SRPX2: variants seen among roughly 807,000 people sequenced by gnomAD.
The protein encoded by SRPX2 is sushi repeat-containing protein SRPX2.
SRPX2 carries 26 observed loss-of-function variants against 45.3 expected under a neutral mutation model. The ratio of observed to expected loss-of-function variants is 0.57; its 90% CI spans 0.42 to 0.80. The LOEUF is 0.80. Ranked by LOEUF, SRPX2 falls within the 30% of genes least tolerant of loss-of-function variation. The pLI, the probability that SRPX2 is intolerant of heterozygous loss-of-function variation, is 0.00. For missense variants in SRPX2, 355 were observed against 399.8 expected, an observed-to-expected ratio of 0.89 and a Z score of 0.95; for synonymous variants, 125 against 143.7, an observed-to-expected ratio of 0.87 and a Z score of 0.93.
Position 100,662,195 on chromosome X carries a change from A to T in SRPX2, c.183A>T (p.Thr61=). 3 of 1,211,348 alleles carry T rather than the reference A, an allele frequency of 2.5e-6. No homozygotes were observed. The highest frequency in any genetic ancestry group is 3.4e-6 in the Non-Finnish European group (3 of 895,429). Reference sequence around the variant, plus strand: ...CTACAGTCCCCCGATGGTGTTATACATTAAATATCCAGGATGGAGAAGCCA... The same window carrying T: ...CTACAGTCCCCCGATGGTGTTATACTTTAAATATCCAGGATGGAGAAGCCA... ...LDYRVPRWCY[T]LNIQDGEATC... The change falls in exon 4 of 11, where the codon ACA becomes ACT. Residue 61 remains threonine (T), a synonymous_variant. Coordinates refer to ENST00000373004, the MANE Select transcript of SRPX2 (RefSeq NM_014467.3).
rs952200357 is a variant in SRPX2 at position 100,675,754 on chromosome X, T to C, written c.*4767T>C. ...AACCTTATAAAGACATAAGAAAAAA[T>C]GGACTCTGAAAATAAACTAGATTAT... On this transcript the variant is annotated 3_prime_UTR_variant, in exon 11 of 11. Coordinates refer to ENST00000373004, the MANE Select transcript of SRPX2 (RefSeq NM_014467.3). 1.9e-4 allele frequency: 48 copies of C among 253,267 alleles called. No homozygotes were observed. The highest frequency in any genetic ancestry group is 1.3e-3 in the African/African-American group (47 of 35,449). The allele number at this position is 253,267 out of a possible 1,213,427, so 20.9% of individuals were successfully genotyped here.
rs1193832159 is a variant in SRPX2, at chrX:100,670,930, C to T, written c.1341C>T (p.Tyr447=). Residue 447 remains tyrosine, a synonymous_variant, in exon 11 of 11, where the codon TAC becomes TAT. Transcript: ENST00000373004. ...PEEIFTFIDD[Y]LLSNQELTQR... ...AAATCTTCACATTCATTGATGACTA[C>T]CTACTGAGCAATCAGGAGTTGACCC... is the stretch of plus-strand genomic sequence containing the variant. 1.7e-6 allele frequency: 2 copies of T among 1,211,745 alleles called. No homozygotes were observed.
Position 100,670,866 on chromosome X carries a change from T to G in SRPX2, c.1277T>G (p.Ile426Ser). 1 of 1,211,407 alleles carries G rather than the reference T, an allele frequency of 8.3e-7. No homozygotes were observed. The highest frequency in any genetic ancestry group is 1.1e-6 in the Non-Finnish European group (1 of 895,453). The change falls in exon 11 of 11, where the codon ATT (isoleucine) becomes AGT (serine). Residue 426 changes from isoleucine to serine, a missense_variant. Transcript: ENST00000373004. ...FNMVLIDKQG[I>S]DRDRYMEPVT... The stretch of plus-strand genomic sequence containing the variant: ...ATGGTGTTGATTGACAAGCAGGGTA[T>G]TGACCGAGACCGCTACATGGAACCT...
chrX:100,645,965 GTCTCAGTACT>G (rs1375745474), intron 1 of SRPX2: 4 of 227,280 alleles, frequency 1.8e-5, no homozygotes, highest in Non-Finnish European at 3.2e-5. Context: ...CCTTTTCCTG[GTCTCAGTACT>G]TCAATGTCCC....
In SRPX2 at chrX:100,665,803, T is replaced by C. The variant is rs765763006; in HGVS notation, c.781+146T>C. The C allele has an allele frequency of 1.2e-5, 11 of 910,605 alleles. No homozygotes were observed. In the African/African-American group the frequency reaches 2.1e-4, roughly 18 times the overall value. The allele number at this position is 910,605 out of a possible 1,213,427, so 75.0% of individuals were successfully genotyped here. A position where few individuals can be genotyped will look rare whatever the true frequency, so the allele number is the denominator to read the frequency against. On this transcript the variant is annotated intron_variant, in intron 7 of 10. Coordinates refer to ENST00000373004, the MANE Select transcript of SRPX2 (RefSeq NM_014467.3). ...AAACAAGTTCACCAAACAGGCTTAT[T>C]TAGGAAGCCAGCGTTACATGTGCAT...
chrX:100,653,701 T>C (rs776423687), intron 3 of SRPX2, among the ~76,000 whole-genome samples: 4 of 112,297 alleles, frequency 3.6e-5, no homozygotes, highest in African/African-American at 1.3e-4. Flanking sequence ...TATTCTTTCA[T>C]CGAATATTTA....
Position 100,675,732 on chromosome X carries a change from C to A in SRPX2, c.*4745C>A. On this transcript the variant is annotated 3_prime_UTR_variant, in exon 11 of 11. Coordinates refer to ENST00000373004, the MANE Select transcript of SRPX2 (RefSeq NM_014467.3). Reference sequence around the variant, plus strand: ...AAAGCTGTTTTTAAGTTAAGTGAACCTTATAAAGACATAAGAAAAAATGGA... The same window carrying A: ...AAAGCTGTTTTTAAGTTAAGTGAACATTATAAAGACATAAGAAAAAATGGA... The A allele has an allele frequency of 4.5e-6, 1 of 222,401 alleles. No individual in the cohort carries two copies. Among genetic ancestry groups the A allele is most frequent in the Non-Finnish European group, 8.1e-6 (1 of 123,743 alleles). 18.3% of individuals were successfully genotyped at this position (222,401 alleles called of 1,213,427 possible).
At chrX:100,665,737 G>A (rs2083202735) in intron 7 of SRPX2, 80 bp downstream of exon 7, 1 of 1,174,937 alleles carries the variant, frequency 8.5e-7, no homozygotes, top group Non-Finnish European at 1.2e-6. Context: ...TCCTCTCTAT[G>A]CCTGGAAGAG....
At chrX:100,655,250 T>C (rs1484453563) in intron 3 of SRPX2, among the ~76,000 whole-genome samples, 1 of 111,916 alleles carries the variant, frequency 8.9e-6, no homozygotes, top group Non-Finnish European at 1.9e-5. Flanking sequence ...CTAAATACAC[T>C]GTTAAGTTTA....
chrX:100,658,036 A>G (rs1158584249), intron 3 of SRPX2, among the ~76,000 whole-genome samples: 3 of 112,302 alleles, frequency 2.7e-5, no homozygotes, highest in Admixed American at 9.4e-5. Flanking sequence ...GTAGTTTGCA[A>G]ATATTTTCTC....
Position 100,664,275 on chromosome X carries a change from A to G in SRPX2, c.356-499A>G, listed in dbSNP as rs555034578. On this transcript the variant is annotated intron_variant, in intron 4 of 10. Transcript: ENST00000373004. ...TCCTTCCCCCTCTAAAATAGATTCT[A>G]TTTGTTTAGAGAAGTTTTAAGTTCA... Among the ~76,000 whole-genome samples, 28 of 103,303 alleles carry G rather than the reference A, an allele frequency of 2.7e-4. 1 individual carries two copies. In the South Asian group the frequency reaches 0.012, roughly 44 times the overall value. The allele number at this position is 103,303 out of a possible 115,157, so 89.7% of individuals were successfully genotyped here.
chrX:100,655,714 G>A (rs763113510), intron 3 of SRPX2, among the ~76,000 whole-genome samples: 6 of 110,710 alleles, frequency 5.4e-5, no homozygotes, highest in Middle Eastern at 4.6e-3. Flanking sequence ...TGGGAGAACT[G>A]TATAAGATGA....
intron 3 of SRPX2, among the ~76,000 whole-genome samples, chrX:100,655,496 A>G (rs2083165770): frequency 9.0e-6 from 1 of 111,552 alleles, no homozygotes; most frequent in Admixed American, 9.5e-5. Flanking sequence ...TATATTATCT[A>G]TTCAACAAGG....
At chrX:100,664,417 G>A (rs191160797) in intron 4 of SRPX2, among the ~76,000 whole-genome samples, 29 of 111,139 alleles carry the variant, frequency 2.6e-4, no homozygotes, top group African/African-American at 9.5e-4. Flanking sequence ...TACAGTTGAC[G>A]AACATAAATT....
intron 9 of SRPX2, 126 bp downstream of exon 9, chrX:100,667,533 A>G: frequency 3.3e-6 from 3 of 895,883 alleles, no homozygotes; most frequent in Non-Finnish European, 4.8e-6. Flanking sequence ...ATAGCATTTG[A>G]TCAGTTTTAC....
intron 5 of SRPX2, 26 bp from the exon 6 acceptor site, chrX:100,665,217 C>T: frequency 8.3e-7 from 1 of 1,208,736 alleles, no homozygotes; most frequent in Non-Finnish European, 1.1e-6. Context: ...GCCCACGAGT[C>T]AGCACTTGAT....
chrX:100,661,355 A>T (rs2083186514), intron 3 of SRPX2, among the ~76,000 whole-genome samples: 1 of 112,121 alleles, frequency 8.9e-6, no homozygotes, highest in Admixed American at 9.4e-5. Context: ...TTGCTTTTTC[A>T]ATGTTTTGAG....
chrX:100,652,149 G>A (rs1042522770), intron 3 of SRPX2, among the ~76,000 whole-genome samples: 8 of 111,928 alleles, frequency 7.1e-5, no homozygotes, highest in Admixed American at 5.7e-4. Context: ...TCTGAGTCAG[G>A]GAGACTCTCC....
Position 100,664,969 on chromosome X carries a change from C to T in SRPX2, c.532+19C>T, listed in dbSNP as rs1362685891. The T allele has an allele frequency of 8.3e-7, 1 of 1,206,996 alleles. No homozygotes were observed. Among genetic ancestry groups the T allele is most frequent in the South Asian group, 1.8e-5 (1 of 55,997 alleles). ...TGTGTAGGTAAATGCTGGTTGCTCCCAGTTGTCCTGGTGCAAAGAGCCACC... is the reference window on the plus strand; with the variant it reads ...TGTGTAGGTAAATGCTGGTTGCTCCTAGTTGTCCTGGTGCAAAGAGCCACC... On this transcript the variant is annotated intron_variant, in intron 5 of 10. Transcript: ENST00000373004.
Sources: allele counts gnomAD v4.1 joint callset (sites outside exome capture counted in the v4.1 genomes callset), GRCh38; gene constraint gnomAD v4.1.1; transcripts MANE v1.5; gene names NCBI Gene and HGNC (gene_info 2026-07-23, HGNC 2026-07-21).